Variants in STXBP5L observed in about 807,000 individuals in gnomAD.
The protein encoded by STXBP5L is syntaxin-binding protein 5-like.
Under a neutral mutation model 144.5 loss-of-function variants are expected in STXBP5L, and 65 were observed. The observed-to-expected ratio is 0.45, with a 90% CI of 0.37 to 0.55. The LOEUF (loss-of-function observed/expected upper bound fraction) is 0.55, where lower values mean the gene tolerates loss of function less well. Ranked by LOEUF, STXBP5L falls within the 20% of genes least tolerant of loss-of-function variation. The probability of loss-of-function intolerance (pLI) is 0.00; values close to 1 mark genes in which losing one functional copy is unlikely to be tolerated. For missense variants in STXBP5L, 1,298 were observed against 1,405.5 expected (o/e 0.92, Z 1.22); for synonymous variants, 505 against 469.6 (o/e 1.08, Z -0.97).
At chr3:121,031,810 C>T (rs182450960) in intron 3 of STXBP5L, among the ~76,000 whole-genome samples, 35 of 152,056 alleles carry the variant, frequency 2.3e-4, no homozygotes, top group South Asian at 1.9e-3. Flanking sequence ...TAAGAATGGG[C>T]AAAAATAGAT....
intron 3 of STXBP5L, among the ~76,000 whole-genome samples, chr3:120,987,073 G>A (rs1036281043): frequency 2.6e-5 from 4 of 151,918 alleles, no homozygotes; most frequent in African/African-American, 4.8e-5. Context: ...ATGAATATAA[G>A]CATCCAAGAT....
intron 19 of STXBP5L, among the ~76,000 whole-genome samples, chr3:121,314,825 G>A (rs1394172130): frequency 1.3e-5 from 2 of 152,080 alleles, no homozygotes; most frequent in Non-Finnish European, 2.9e-5. Flanking sequence ...ATGGGCAAAG[G>A]ATATGAACAG....
At chr3:121,305,799 G>T (rs922771196) in intron 19 of STXBP5L, among the ~76,000 whole-genome samples, 1 of 151,944 alleles carries the variant, frequency 6.6e-6, no homozygotes, top group African/African-American at 2.4e-5. Flanking sequence ...AGGACAAAAA[G>T]CAAGATTAAA....
chr3:121,281,094 T>C (rs2051045021), intron 19 of STXBP5L, among the ~76,000 whole-genome samples: 1 of 151,872 alleles, frequency 6.6e-6, no homozygotes. Context: ...GTGGCAGATA[T>C]GTCAAATTTA....
At chr3:121,167,171 A>G (rs1398808817) in intron 9 of STXBP5L, among the ~76,000 whole-genome samples, 2 of 152,160 alleles carry the variant, frequency 1.3e-5, no homozygotes, top group East Asian at 1.9e-4. Context: ...ATCAGAACAC[A>G]TATCAACACC....
chr3:121,406,269 T>C (rs1421496263), intron 22 of STXBP5L, among the ~76,000 whole-genome samples: 1 of 152,098 alleles, frequency 6.6e-6, no homozygotes. Flanking sequence ...CCCAATATAC[T>C]CTTTTCAATT....
chr3:121,311,811 A>C (rs981412012), intron 19 of STXBP5L, among the ~76,000 whole-genome samples: 3 of 152,202 alleles, frequency 2.0e-5, no homozygotes, highest in Non-Finnish European at 2.9e-5. Flanking sequence ...CAAGCTACCA[A>C]TGACTTTCTT....
At chr3:120,994,338 G>T (rs1369404104) in intron 3 of STXBP5L, among the ~76,000 whole-genome samples, 3 of 152,044 alleles carry the variant, frequency 2.0e-5, no homozygotes, top group Admixed American at 1.3e-4. Flanking sequence ...TATGGATGTG[G>T]TGAAAATGGA....
chr3:121,243,296 G>A (rs911686680), intron 14 of STXBP5L, among the ~76,000 whole-genome samples: 11 of 152,074 alleles, frequency 7.2e-5, no homozygotes, highest in South Asian at 2.1e-4. Context: ...TACTAGAGCA[G>A]CAAGATACTA....
At chr3:120,987,564 CT>C (rs1343495939) in intron 3 of STXBP5L, among the ~76,000 whole-genome samples, 1 of 151,708 alleles carries the variant, frequency 6.6e-6, no homozygotes, top group African/African-American at 2.4e-5. Context: ...CATTTCTTAA[CT>C]TGTATTTTCA....
At chr3:121,197,757 G>C in intron 9 of STXBP5L, among the ~76,000 whole-genome samples, 1 of 151,952 alleles carries the variant, frequency 6.6e-6, no homozygotes, top group East Asian at 1.9e-4. Context: ...TTGGTTTTCT[G>C]TTCCTATTTA....
intron 12 of STXBP5L, among the ~76,000 whole-genome samples, chr3:121,235,003 T>TA (rs925994456): frequency 1.4e-5 from 2 of 141,030 alleles, no homozygotes; most frequent in Admixed American, 7.2e-5. Context: ...TATATATATA[T>TA]TTTTTTATTT....
chr3:121,394,753 C>T (rs909970462), intron 22 of STXBP5L, among the ~76,000 whole-genome samples: 8 of 151,634 alleles, frequency 5.3e-5, no homozygotes, highest in African/African-American at 1.7e-4. Context: ...TACAGGCGCC[C>T]GCCACCACGC....
In STXBP5L at chr3:121,280,033, T is replaced by C. The variant is rs1279565581; in HGVS notation, c.2110+77T>C. On this transcript the variant is annotated intron_variant, in intron 19 of 26. Coordinates refer to ENST00000471454, the MANE Select transcript of STXBP5L (RefSeq NM_001308330.2). ...TTATTTTTAGATTTCTTGTCTTTCT[T>C]CTCTGATACTATTCAAATGCATGGC... 13 of 1,493,278 alleles carry C rather than the reference T, an allele frequency of 8.7e-6. No homozygotes were observed. The Admixed American group carries it at 2.9e-4, about 33-fold the overall frequency. 92.5% of individuals were successfully genotyped at this position (1,493,278 alleles called of 1,614,324 possible). A position where few individuals can be genotyped will look rare whatever the true frequency, so the allele number is the denominator to read the frequency against.
chr3:120,960,407 G>T (rs1405440987), intron 3 of STXBP5L, among the ~76,000 whole-genome samples: 7 of 152,132 alleles, frequency 4.6e-5, no homozygotes, highest in African/African-American at 1.7e-4. Context: ...TCCCATTACG[G>T]GGTATATACC....
chr3:121,016,678 G>A (rs1349185321), intron 3 of STXBP5L, among the ~76,000 whole-genome samples: 2 of 152,142 alleles, frequency 1.3e-5, no homozygotes, highest in Non-Finnish European at 2.9e-5. Context: ...GAAAGAGTGA[G>A]CAAAACAGAA....
intron 7 of STXBP5L, among the ~76,000 whole-genome samples, chr3:121,122,680 C>A (rs1281992762): frequency 1.3e-5 from 2 of 151,354 alleles, no homozygotes; most frequent in Non-Finnish European, 3.0e-5. Context: ...AATAGTAAGA[C>A]CTCTGCCTCA....
At chr3:121,328,439 A>G (rs1329695827) in intron 20 of STXBP5L, among the ~76,000 whole-genome samples, 1 of 152,144 alleles carries the variant, frequency 6.6e-6, no homozygotes, top group East Asian at 1.9e-4. Context: ...AATCCAGCTC[A>G]TTTGTGTTCT....
intron 7 of STXBP5L, among the ~76,000 whole-genome samples, chr3:121,140,675 A>G (rs1437809948): frequency 6.6e-6 from 1 of 152,212 alleles, no homozygotes; most frequent in East Asian, 1.9e-4. Flanking sequence ...CATATGTGGA[A>G]TTTTAAAAAA....
Sources: allele counts gnomAD v4.1 joint callset (sites outside exome capture counted in the v4.1 genomes callset), GRCh38; gene constraint gnomAD v4.1.1; transcripts MANE v1.5; gene names NCBI Gene and HGNC (gene_info 2026-07-23, HGNC 2026-07-21).